The following USH2A variants were observed in gnomAD, a reference collection of about 807,000 sequenced individuals.
USH2A encodes Usher syndrome 2A (autosomal recessive, mild).
Under a neutral mutation model 538.9 loss-of-function variants are expected in USH2A, and 443 were observed. The observed-to-expected ratio is 0.82, with a 90% CI of 0.76 to 0.89. The LOEUF (loss-of-function observed/expected upper bound fraction) is 0.89. USH2A is among the 40% of genes least tolerant of loss of function. USH2A has a pLI of 0.00. For missense variants in USH2A, 6,633 were observed against 6,324.8 expected (o/e 1.05, Z -1.65); for synonymous variants, 2,413 against 2,273.5 (o/e 1.06, Z -1.75).
chr1:216,142,707 G>A (rs2102612524), intron 21 of USH2A, among the ~76,000 whole-genome samples: 1 of 152,228 alleles, frequency 6.6e-6, no homozygotes, highest in South Asian at 2.1e-4. Flanking sequence ...AACATTTAAT[G>A]CAAATATAAA....
At chr1:216,264,266 C>A (rs1165156699) in intron 11 of USH2A, among the ~76,000 whole-genome samples, 1 of 151,924 alleles carries the variant, frequency 6.6e-6, no homozygotes, top group African/African-American at 2.4e-5. Context: ...TCTTTAAATT[C>A]CCATGGAACC....
At chr1:216,071,689 T>C (rs1218424688) in intron 29 of USH2A, among the ~76,000 whole-genome samples, 1 of 152,190 alleles carries the variant, frequency 6.6e-6, no homozygotes, top group Non-Finnish European at 1.5e-5. Context: ...GTAAGCAATG[T>C]GCTTTCCAGA....
intron 69 of USH2A, among the ~76,000 whole-genome samples, chr1:215,635,278 T>C (rs1488741139): frequency 2.6e-5 from 4 of 152,202 alleles, no homozygotes; most frequent in Non-Finnish European, 5.9e-5. Context: ...TGTCTTTACA[T>C]GGCCTCTCTG....
At chr1:216,085,029 C>T (rs2032084693) in intron 24 of USH2A, 152 bp from the exon 25 acceptor site, 1 of 701,836 alleles carries the variant, frequency 1.4e-6, no homozygotes, top group South Asian at 1.7e-5. Flanking sequence ...AACACCACAC[C>T]ATCAGCTATA....
At chr1:215,634,914 GC>G (rs1656428601) in intron 69 of USH2A, among the ~76,000 whole-genome samples, 1 of 152,198 alleles carries the variant, frequency 6.6e-6, no homozygotes, top group African/African-American at 2.4e-5. Context: ...GAGAGGCCTT[GC>G]TGACACTTCT....
At chr1:215,785,984 A>G (rs1398007532) in intron 52 of USH2A, among the ~76,000 whole-genome samples, 2 of 151,640 alleles carry the variant, frequency 1.3e-5, no homozygotes, top group African/African-American at 4.8e-5. Context: ...TGATTTTTCA[A>G]AAAACAAGAA....
intron 40 of USH2A, among the ~76,000 whole-genome samples, chr1:215,897,808 GAAGA>G (rs999808866): frequency 1.1e-4 from 17 of 152,056 alleles, no homozygotes; most frequent in African/African-American, 4.1e-4. Flanking sequence ...AACAAAGAAA[GAAGA>G]AAGAAAGAGA....
chr1:215,634,792 A>G (rs1656423796), intron 69 of USH2A, 89 bp from the exon 70 acceptor site: 4 of 1,604,730 alleles, frequency 2.5e-6, no homozygotes, highest in South Asian at 2.2e-5. Context: ...TAAATTAGAG[A>G]GGAGTTGAAA....
intron 38 of USH2A, among the ~76,000 whole-genome samples, chr1:215,912,292 T>C (rs1238691142): frequency 1.3e-5 from 2 of 151,886 alleles, no homozygotes; most frequent in African/African-American, 4.8e-5. Context: ...GTCCTATAGA[T>C]TTTCCCCAAT....
At chr1:216,065,218 T>A (rs1464400776) in intron 30 of USH2A, among the ~76,000 whole-genome samples, 2 of 152,202 alleles carry the variant, frequency 1.3e-5, no homozygotes, top group African/African-American at 4.8e-5. Flanking sequence ...CAAGAAGGTA[T>A]CCTTCAGAAT....
rs751744234 is a variant in USH2A, at chr1:215,798,952, C to G, written c.9913G>C (p.Glu3305Gln). The part of the protein sequence containing the change: ...CGRQIVSNDL[E>Q]CCGGEEGVVY... ...ACTCCTTCTTCTCCACCACAACACT[C>G]TAAATCGTTGCTCACAATCTGTCTG... The change falls in exon 50 of 72, where the codon GAG becomes CAG. Residue 3305 changes from glutamate (E) to glutamine (Q), a missense_variant. By Grantham distance (29) the Glu-to-Gln change is conservative. Coordinates refer to ENST00000307340, the MANE Select transcript of USH2A (RefSeq NM_206933.4). 1.9e-6 allele frequency: 3 copies of G among 1,614,140 alleles called. No individual in the cohort carries two copies. The highest frequency in any genetic ancestry group is 2.2e-5 in the South Asian group (2 of 91,078).
At chr1:216,140,094 G>A (rs1203534883) in intron 21 of USH2A, among the ~76,000 whole-genome samples, 1 of 152,038 alleles carries the variant, frequency 6.6e-6, no homozygotes, top group East Asian at 1.9e-4. Flanking sequence ...TATCAAATGT[G>A]GCTAAAGACA....
chr1:215,925,882 C>T (rs1445453855), intron 38 of USH2A, among the ~76,000 whole-genome samples: 2 of 152,128 alleles, frequency 1.3e-5, no homozygotes, highest in African/African-American at 2.4e-5. Flanking sequence ...CAAGCTTTCA[C>T]ATTTTTGAGA....
chr1:215,632,729 T>A (rs1014722365), intron 70 of USH2A, among the ~76,000 whole-genome samples: 1 of 152,318 alleles, frequency 6.6e-6, no homozygotes, highest in African/African-American at 2.4e-5. Context: ...CTGCCTTCTT[T>A]TCTCTCTTCC....
chr1:215,827,487 C>T (rs934037251), intron 47 of USH2A, among the ~76,000 whole-genome samples: 3 of 152,132 alleles, frequency 2.0e-5, no homozygotes, highest in Non-Finnish European at 4.4e-5. Flanking sequence ...GCCCAATATT[C>T]TCTTTTCTAT....
intron 21 of USH2A, among the ~76,000 whole-genome samples, chr1:216,115,536 T>G (rs548721639): frequency 1.3e-5 from 2 of 152,330 alleles, no homozygotes; most frequent in African/African-American, 2.4e-5. Flanking sequence ...TTAAAATCAG[T>G]GTATTATTAA....
rs1230143822 is a variant in USH2A at position 215,625,424 on chromosome 1, A to G, written c.*357T>C. 3.1e-6 allele frequency: 1 copy of G among 323,990 alleles called. No homozygotes were observed. The highest frequency in any genetic ancestry group is 2.1e-5 in the African/African-American group (1 of 46,708). 20.1% of individuals were successfully genotyped at this position (323,990 alleles called of 1,614,324 possible). Reference sequence around the variant, plus strand: ...CAGAATCATTTTTGAGCCAGTAACTAACTTACTACTTCTAACAACTGTGAG... The same window carrying G: ...CAGAATCATTTTTGAGCCAGTAACTGACTTACTACTTCTAACAACTGTGAG... On this transcript the variant is annotated 3_prime_UTR_variant, in exon 72 of 72. Transcript: ENST00000307340.
Position 216,097,130 on chromosome 1 carries a change from C to CA in USH2A, c.4710dup (p.Ala1571CysfsTer14). The CA allele has an allele frequency of 1.2e-6, 2 of 1,614,112 alleles. No individual in the cohort carries two copies. The highest frequency in any genetic ancestry group is 1.7e-6 in the Non-Finnish European group (2 of 1,180,006). On this transcript the variant is annotated frameshift_variant, in exon 22 of 72. Transcript: ENST00000307340. LOFTEE classifies it high-confidence loss of function. ...AGACGTCCCTTCTTCAACTGAAGTG[C>CA]AAAATACTCTTCCTGATTGCCAGGT...
intron 60 of USH2A, 114 bp downstream of exon 60, chr1:215,741,261 C>A: frequency 7.8e-6 from 10 of 1,278,942 alleles, no homozygotes; most frequent in Non-Finnish European, 1.1e-5. Context: ...AAAAAAAACA[C>A]AACATGAATT....
Sources: allele counts gnomAD v4.1 joint callset (sites outside exome capture counted in the v4.1 genomes callset), GRCh38; gene constraint gnomAD v4.1.1; transcripts MANE v1.5; gene names NCBI Gene and HGNC (gene_info 2026-07-23, HGNC 2026-07-21).